Variants in ENO4 observed in about 807,000 individuals in gnomAD.
ENO4 encodes enolase 4, also known as 2-phospho-D-glycerate hydro-lyase.
A neutral mutation model predicts 63.2 loss-of-function variants in ENO4; 53 were observed. That is an observed-to-expected ratio of 0.84 (90% CI 0.67 to 1.05). The LOEUF (loss-of-function observed/expected upper bound fraction) is 1.05, where lower values mean the gene tolerates loss of function less well. Ranked by LOEUF, ENO4 falls within the 50% of genes least tolerant of loss-of-function variation. The probability of loss-of-function intolerance (pLI) is 0.00; values close to 1 mark genes in which losing one functional copy is unlikely to be tolerated. For synonymous variants in ENO4, 266 were observed against 283.8 expected (o/e 0.94, Z 0.63); for missense variants, 719 against 772.0 (o/e 0.93, Z 0.81).
intron 7 of ENO4, among the ~76,000 whole-genome samples, chr10:116,866,167 CTT>C (rs1398222634): frequency 6.6e-6 from 1 of 152,164 alleles, no homozygotes; most frequent in Non-Finnish European, 1.5e-5. Context: ...TTATTTATAT[CTT>C]AATTTCACCT....
rs1291540916 is a variant in ENO4 at position 116,868,675 on chromosome 10, A to C, written c.1016A>C (p.Lys339Thr). The part of the protein sequence containing the change: ...EMPSPPKAET[K>T]KGHDGSKRGQ... Reference sequence around the variant, plus strand: ...CCCTCTCCTCCAAAAGCAGAGACAAAAAAAGGGCACGATGGAAGCAAAAGA... The same window carrying C: ...CCCTCTCCTCCAAAAGCAGAGACAACAAAAGGGCACGATGGAAGCAAAAGA... Residue 339 changes from lysine (K) to threonine (T), a missense_variant, in exon 8 of 14, where the codon AAA (lysine) becomes ACA (threonine). Lys to Thr is a moderately conservative substitution (Grantham distance 78). This residue lies in a region of ENO4 where 544 missense variants were observed against 583.6 expected (regional missense o/e 0.93). Coordinates refer to ENST00000341276, the MANE Select transcript of ENO4 (RefSeq NM_001242699.2). The C allele has an allele frequency of 1.3e-6, 2 of 1,550,576 alleles. No individual in the cohort carries two copies. The highest frequency in any genetic ancestry group is 4.9e-5 in the East Asian group (2 of 40,916).
At chr10:116,868,485 G>A (rs138557148) in intron 7 of ENO4, 165 bp from the exon 8 acceptor site, 2 of 715,864 alleles carry the variant, frequency 2.8e-6, no homozygotes, top group African/African-American at 1.7e-5. Context: ...AGTAGGGAGT[G>A]GCTGGAATCA....
intron 10 of ENO4, among the ~76,000 whole-genome samples, chr10:116,891,130 G>A (rs1847331273): frequency 6.6e-6 from 1 of 152,126 alleles, no homozygotes; most frequent in African/African-American, 2.4e-5. Flanking sequence ...TATCACTCAA[G>A]CTTAATTTTA....
At chr10:116,870,290 G>A (rs1846653497) in intron 8 of ENO4, among the ~76,000 whole-genome samples, 1 of 152,144 alleles carries the variant, frequency 6.6e-6, no homozygotes, top group South Asian at 2.1e-4. Flanking sequence ...TGCAGTAGCT[G>A]TCTTTCCTTG....
Position 116,876,222 on chromosome 10 carries a change from CAAT to C in ENO4, c.1500_1502del (p.Met501del). ...ATCATAAAACACACAAACCAAACTA[CAAT>C]GTCTGACTTGGTGGAAATAACCAAT... On this transcript the variant is annotated inframe_deletion, in exon 11 of 14. Transcript: ENST00000341276. 6.5e-7 allele frequency: 1 copy of C among 1,548,758 alleles called. No homozygotes were observed. Among genetic ancestry groups the C allele is most frequent in the East Asian group, 2.5e-5 (1 of 40,792 alleles).
rs1847977668 is a variant in ENO4, at chr10:116,906,530, T to C, written c.1195-4969T>C. The C allele has an allele frequency of 3.7e-5, 46 of 1,233,592 alleles. No individual in the cohort carries two copies. In the South Asian group the frequency reaches 8.6e-4, roughly 23 times the overall value. The allele number at this position is 1,233,592 out of a possible 1,614,324, so 76.4% of individuals were successfully genotyped here. On this transcript the variant is annotated intron_variant, in intron 10 of 10. Transcript: ENST00000369207. ...CTCACATTAAAAACAAATATTTTAATAATACTTTTTAAAAGATTGTTTCAT... is the reference window on the plus strand; with the variant it reads ...CTCACATTAAAAACAAATATTTTAACAATACTTTTTAAAAGATTGTTTCAT...
intron 8 of ENO4, among the ~76,000 whole-genome samples, chr10:116,870,237 T>A (rs1846652260): frequency 6.6e-6 from 1 of 152,228 alleles, no homozygotes; most frequent in Non-Finnish European, 1.5e-5. Context: ...AATTTATAAT[T>A]GCATAGTGGC....
chr10:116,879,987 G>T lies in ENO4; in HGVS notation c.1723+1G>T. ...GAACTTGTCCAGAATGGAACACTGG[G>T]TATGCGCTGCTTTCTTGCTTTGTTT... On this transcript the variant is annotated splice_donor_variant, in intron 13 of 13. Coordinates refer to ENST00000341276, the MANE Select transcript of ENO4 (RefSeq NM_001242699.2). LOFTEE classifies it high-confidence loss of function. 1 of 1,535,878 alleles carries T rather than the reference G, an allele frequency of 6.5e-7. No individual in the cohort carries two copies. The highest frequency in any genetic ancestry group is 8.8e-7 in the Non-Finnish European group (1 of 1,134,420).
chr10:116,860,011 G>A (rs1321558325), intron 4 of ENO4, among the ~76,000 whole-genome samples: 1 of 152,234 alleles, frequency 6.6e-6, no homozygotes, highest in Non-Finnish European at 1.5e-5. Flanking sequence ...GACCAACATG[G>A]ATGTTCGTTT....
chr10:116,854,031 C>CAGGT (rs1439502641), intron 1 of ENO4, among the ~76,000 whole-genome samples: 1 of 152,156 alleles, frequency 6.6e-6, no homozygotes, highest in Non-Finnish European at 1.5e-5. Flanking sequence ...CCTTCCTGAG[C>CAGGT]GTTTTCTTGC....
At chr10:116,910,871 CCACT>C (rs1222478212) in intron 10 of ENO4, among the ~76,000 whole-genome samples, 1 of 152,154 alleles carries the variant, frequency 6.6e-6, no homozygotes, top group East Asian at 1.9e-4. Context: ...AGTGCTAATC[CCACT>C]CACTTAAAAC....
intron 10 of ENO4, among the ~76,000 whole-genome samples, chr10:116,888,347 T>C (rs1325170756): frequency 2.0e-5 from 3 of 152,176 alleles, no homozygotes; most frequent in South Asian, 2.1e-4. Flanking sequence ...AAGCCTGTGA[T>C]GGGAGAAGCA....
chr10:116,850,626 AG>A (rs950470696), intron 1 of ENO4, among the ~76,000 whole-genome samples: 5 of 151,968 alleles, frequency 3.3e-5, no homozygotes, highest in African/African-American at 1.2e-4. Flanking sequence ...ATGTGCTGTC[AG>A]GGTGCAAAAC....
chr10:116,906,870 T>C (rs538588128), intron 10 of ENO4: 1 of 754,030 alleles, frequency 1.3e-6, no homozygotes, highest in East Asian at 3.0e-5. Context: ...CAAAATGAAT[T>C]TGCTATATAT....
chr10:116,882,989 C>CAT (rs1207674305), downstream of ENO4: 3 of 152,164 alleles, frequency 2.0e-5, no homozygotes, highest in East Asian at 5.8e-4. Flanking sequence ...CACACACACA[C>CAT]ACACACACAC....
At chr10:116,879,151 C>CTTCT (rs1175764399) in intron 11 of ENO4, 140 bp from the exon 12 acceptor site, 6 of 597,374 alleles carry the variant, frequency 1.0e-5, no homozygotes, top group Non-Finnish European at 1.7e-5. Flanking sequence ...AAAATGCAAA[C>CTTCT]GTTAGAATCC....
chr10:116,906,598 AG>A, intron 10 of ENO4: 1 of 1,582,124 alleles, frequency 6.3e-7, no homozygotes, highest in South Asian at 1.2e-5. Context: ...GATGAAGAGA[AG>A]GACTGTGGAG....
At chr10:116,911,617 A>G in exon 11 of ENO4, 1 of 1,552,602 alleles carries the variant, frequency 6.4e-7, no homozygotes, top group Non-Finnish European at 8.7e-7. Flanking sequence ...TTGAAAAATT[A>G]TTAACATATG....
intron 10 of ENO4, among the ~76,000 whole-genome samples, chr10:116,897,095 C>G (rs982797001): frequency 3.9e-5 from 6 of 152,076 alleles, no homozygotes; most frequent in Non-Finnish European, 8.8e-5. Context: ...GGATTATAGG[C>G]GTAAGCCACC....
Sources: allele counts gnomAD v4.1 joint callset (sites outside exome capture counted in the v4.1 genomes callset), GRCh38; gene constraint gnomAD v4.1.1; regional missense constraint gnomAD v4.1.1; transcripts MANE v1.5; gene names NCBI Gene and HGNC (gene_info 2026-07-23, HGNC 2026-07-21).